The following RCN3 variants were observed in gnomAD, a reference collection of about 807,000 sequenced individuals.
RCN3 encodes the protein reticulocalbin 3.
In RCN3, 41 loss-of-function variants were observed where a neutral mutation model predicts 35.9. The ratio of observed to expected loss-of-function variants is 1.14; its 90% confidence interval spans 0.89 to 1.48. The LOEUF (loss-of-function observed/expected upper bound fraction) is 1.48, where lower values mean the gene tolerates loss of function less well. Among genes scored for constraint, RCN3 ranks in the 40% most tolerant of loss-of-function variants. The probability of loss-of-function intolerance (pLI) is 0.00; values close to 1 mark genes in which losing one functional copy is unlikely to be tolerated. For missense variants in RCN3, 451 were observed against 471.3 expected (o/e 0.96, Z 0.40); for synonymous variants, 187 against 193.4 (o/e 0.97, Z 0.27).
At chr19:49,539,308 A>G in intron 5 of RCN3, 129 bp downstream of exon 5, 1 of 665,114 alleles carries the variant, frequency 1.5e-6, no homozygotes, top group African/African-American at 2.0e-5. Context: ...GGGCAGGGGC[A>G]CTCACTGCTT....
chr19:49,542,356 C>A (rs554163903), intron 5 of RCN3, among the ~76,000 whole-genome samples, 197 bp from the exon 6 acceptor site: 1 of 152,216 alleles, frequency 6.6e-6, no homozygotes, highest in South Asian at 2.1e-4. Flanking sequence ...TGAATTTCAC[C>A]TGTAACACAA....
intron 4 of RCN3, among the ~76,000 whole-genome samples, chr19:49,537,503 C>A (rs1201098856): frequency 1.3e-5 from 2 of 150,630 alleles, no homozygotes; most frequent in African/African-American, 4.9e-5. Context: ...TATACAATTT[C>A]TTTTCTTTCT....
chr19:49,539,918 T>C (rs2080155500), intron 5 of RCN3, among the ~76,000 whole-genome samples: 1 of 152,140 alleles, frequency 6.6e-6, no homozygotes, highest in South Asian at 2.1e-4. Flanking sequence ...AGATGGGATT[T>C]CACCATGTTG....
At chr19:49,539,749 G>GT (rs1478738814) in intron 5 of RCN3, among the ~76,000 whole-genome samples, 2 of 108,686 alleles carry the variant, frequency 1.8e-5, no homozygotes, top group Non-Finnish European at 1.8e-5. Flanking sequence ...TTTTGAGACA[G>GT]TTTTTTTCTG....
At chr19:49,534,490 G>A in intron 3 of RCN3, 95 bp downstream of exon 3, 5 of 1,340,058 alleles carry the variant, frequency 3.7e-6, no homozygotes, top group Non-Finnish European at 5.0e-6. Context: ...TTTACCCGGA[G>A]TCCCTGGCCC....
At chr19:49,534,083 G>A in intron 2 of RCN3, 110 bp from the exon 3 acceptor site, 1 of 1,118,818 alleles carries the variant, frequency 8.9e-7, no homozygotes, top group Non-Finnish European at 1.2e-6. Context: ...GCGGACCGTG[G>A]ACTGTATTTT....
In RCN3 at chr19:49,542,631, G is replaced by C. The variant is rs543008006; in HGVS notation, c.758G>C (p.Arg253Pro). 1 of 1,607,098 alleles carries C rather than the reference G, an allele frequency of 6.2e-7. No individual in the cohort carries two copies. Among genetic ancestry groups the C allele is most frequent in the Non-Finnish European group, 8.5e-7 (1 of 1,177,560 alleles). The change falls in exon 6 of 7, where the codon CGG (arginine) becomes CCG (proline). Residue 253 changes from arginine to proline, a missense_variant. Physicochemically the swap from Arg to Pro is moderately radical, Grantham distance 103. Transcript: ENST00000270645. The stretch of plus-strand genomic sequence containing the variant: ...GAGAGGCAGCAGTTCCGGGACTTCC[G>C]GGATCTGAACAAGGATGGGCACCTG... Reference protein sequence around the residue: ...QTERQQFRDFRDLNKDGHLDG... With the variant: ...QTERQQFRDFPDLNKDGHLDG...
At chr19:49,534,744 C>T (rs1187821054) in intron 3 of RCN3, among the ~76,000 whole-genome samples, 1 of 152,112 alleles carries the variant, frequency 6.6e-6, no homozygotes, top group Non-Finnish European at 1.5e-5. Flanking sequence ...CTAAGCTACC[C>T]AGGTTCCCTT....
At chr19:49,534,534 A>G (rs1568709800) in intron 3 of RCN3, 139 bp downstream of exon 3, 3 of 760,786 alleles carry the variant, frequency 3.9e-6, no homozygotes, top group African/African-American at 1.9e-5. Flanking sequence ...AGGAGCCCAT[A>G]ACTGTGAGAT....
chr19:49,542,709 T>C lies in RCN3; in HGVS notation c.836T>C (p.Leu279Pro), dbSNP rs1421682343. Reference sequence around the variant, plus strand: ...CTGCCCCCTGCCCAGGACCAGCCCCTGGTGGAAGCCAACCACCTGCTGCAC... The same window carrying C: ...CTGCCCCCTGCCCAGGACCAGCCCCCGGTGGAAGCCAACCACCTGCTGCAC... ...WVLPPAQDQPLVEANHLLHES... is the reference protein window; with the variant it reads ...WVLPPAQDQPPVEANHLLHES... Residue 279 changes from leucine to proline, a missense_variant, in exon 6 of 7, where the codon CTG becomes CCG. By Grantham distance (98) the Leu-to-Pro change is moderately conservative. Transcript: ENST00000270645. 10 of 1,595,548 alleles carry C rather than the reference T, an allele frequency of 6.3e-6. No homozygotes were observed. The highest frequency in any genetic ancestry group is 2.7e-5 in the African/African-American group (2 of 74,818).
In RCN3 at chr19:49,534,261, C is replaced by T. The variant is rs769564510; in HGVS notation, c.311C>T (p.Ala104Val). 8.4e-5 allele frequency: 123 copies of T among 1,465,330 alleles called. No individual in the cohort carries two copies. Among genetic ancestry groups the T allele is most frequent in the Non-Finnish European group, 9.6e-5 (107 of 1,111,850 alleles). The allele number at this position is 1,465,330 out of a possible 1,614,324, so 90.8% of individuals were successfully genotyped here. Reference protein sequence around the residue: ...DGWVSLAELRAWIAHTQQRHI... With the variant: ...DGWVSLAELRVWIAHTQQRHI... ...TGGGTGTCGCTGGCCGAGCTTCGCG[C>T]GTGGATCGCGCACACGCAGCAGCGG... is the stretch of plus-strand genomic sequence containing the variant. Residue 104 changes from alanine (A) to valine (V), a missense_variant, in exon 3 of 7, where the codon GCG becomes GTG. Physicochemically the swap from Ala to Val is moderately conservative, Grantham distance 64. Coordinates refer to ENST00000270645, the MANE Select transcript of RCN3 (RefSeq NM_020650.3).
intron 2 of RCN3, 120 bp downstream of exon 2, chr19:49,528,834 A>T (rs751436338): frequency 5.5e-5 from 69 of 1,251,940 alleles, no homozygotes; most frequent in Non-Finnish European, 7.1e-5. Flanking sequence ...TGAGAAATGA[A>T]ATTCTACCTT....
intron 3 of RCN3, among the ~76,000 whole-genome samples, chr19:49,535,229 A>T (rs1002188351): frequency 1.3e-5 from 2 of 152,062 alleles, no homozygotes; most frequent in Non-Finnish European, 2.9e-5. Flanking sequence ...ACACTCTTCA[A>T]ACCTCTACCT....
rs1164558496 is a variant in RCN3 at position 49,536,607 on chromosome 19, ATTT to A, written c.446-409_446-407del. 2.4e-3 allele frequency among the ~76,000 whole-genome samples: 298 copies of A among 123,476 alleles called. 1 individual carries two copies. Among genetic ancestry groups the A allele is most frequent in the African/African-American group, 8.0e-3 (264 of 33,008 alleles). The allele number at this position is 123,476 out of a possible 152,430, so 81.0% of individuals were successfully genotyped here. ...TGAGCCACTGTGCCAGGCTTCTAAA[ATTT>A]TTTTTTTTTTTTTTTTGAGACATAG... On this transcript the variant is annotated intron_variant, in intron 3 of 6. Transcript: ENST00000270645.
intron 3 of RCN3, 76 bp downstream of exon 3, chr19:49,534,471 C>T (rs1253268993): frequency 4.0e-5 from 59 of 1,465,002 alleles, no homozygotes; most frequent in Non-Finnish European, 4.8e-5. Flanking sequence ...TCTGAGAACC[C>T]TGAACCCATT....
At chr19:49,535,348 C>T (rs1164201044) in intron 3 of RCN3, among the ~76,000 whole-genome samples, 1 of 152,032 alleles carries the variant, frequency 6.6e-6, no homozygotes, top group East Asian at 1.9e-4. Flanking sequence ...GGCCAAAAGG[C>T]CCACTGTCAA....
intron 4 of RCN3, among the ~76,000 whole-genome samples, chr19:49,538,161 GTT>G (rs1205196408): frequency 0.085 from 10,257 of 120,270 alleles, 466 homozygotes; most frequent in African/African-American, 0.13. Flanking sequence ...TCTGGCTAAT[GTT>G]TTTTTTTTTT....
At chr19:49,541,754 G>A (rs2080163750) in intron 5 of RCN3, among the ~76,000 whole-genome samples, 1 of 151,426 alleles carries the variant, frequency 6.6e-6, no homozygotes, top group Non-Finnish European at 1.5e-5. Flanking sequence ...GACTGAGGCA[G>A]GTGGATCATG....
At chr19:49,534,707 C>G (rs1236395378) in intron 3 of RCN3, among the ~76,000 whole-genome samples, 1 of 152,080 alleles carries the variant, frequency 6.6e-6, no homozygotes, top group Non-Finnish European at 1.5e-5. Context: ...CCTGGGCCCT[C>G]AAATTAAAAG....
Sources: allele counts gnomAD v4.1 joint callset (sites outside exome capture counted in the v4.1 genomes callset), GRCh38; gene constraint gnomAD v4.1.1; transcripts MANE v1.5; gene names NCBI Gene and HGNC (gene_info 2026-07-23, HGNC 2026-07-21).